Variants in CPNE4 observed in about 807,000 individuals in gnomAD.
CPNE4 encodes copine 4.
In CPNE4, 25 loss-of-function variants were observed where a neutral mutation model predicts 67.9. That is an observed-to-expected ratio of 0.37 (90% CI 0.27 to 0.51). The LOEUF (loss-of-function observed/expected upper bound fraction) is 0.51, where lower values mean the gene tolerates loss of function less well. CPNE4 is among the 20% of genes least tolerant of loss of function. The pLI is 0.93. For missense variants in CPNE4, 464 were observed against 690.8 expected (o/e 0.67, Z 3.68); for synonymous variants, 242 against 244.9 (o/e 0.99, Z 0.11).
intron 7 of CPNE4, among the ~76,000 whole-genome samples, chr3:131,588,153 G>T (rs952967292): frequency 2.0e-5 from 3 of 152,126 alleles, no homozygotes; most frequent in South Asian, 2.1e-4. Context: ...TGTGAAAAAT[G>T]GTTGGAAAAT....
intron 6 of CPNE4, among the ~76,000 whole-genome samples, chr3:131,671,746 C>T (rs2080423852): frequency 6.6e-6 from 1 of 152,104 alleles, no homozygotes; most frequent in Non-Finnish European, 1.5e-5. Context: ...AAGAAAAGTA[C>T]AGCAATAGTC....
At chr3:131,767,403 CA>C (rs1252657128) in intron 2 of CPNE4, among the ~76,000 whole-genome samples, 1 of 151,994 alleles carries the variant, frequency 6.6e-6, no homozygotes, top group Non-Finnish European at 1.5e-5. Flanking sequence ...TGAAGAAAAC[CA>C]GTTCAGATTG....
At chr3:131,789,035 C>CACACACAGAG (rs1553771459) in intron 2 of CPNE4, among the ~76,000 whole-genome samples, 39 of 137,402 alleles carry the variant, frequency 2.8e-4, no homozygotes, top group African/African-American at 8.0e-4. Context: ...CACACACACA[C>CACACACAGAG]AGAGAGAGAG....
chr3:131,632,144 G>A (rs1430513267), intron 7 of CPNE4, among the ~76,000 whole-genome samples: 1 of 151,680 alleles, frequency 6.6e-6, no homozygotes, highest in Non-Finnish European at 1.5e-5. Flanking sequence ...CGAGTAGCTG[G>A]GATTACAGGC....
chr3:131,726,140 G>T (rs1387084785), intron 2 of CPNE4, among the ~76,000 whole-genome samples: 1 of 152,214 alleles, frequency 6.6e-6, no homozygotes, highest in Non-Finnish European at 1.5e-5. Context: ...AGGTTTAGAT[G>T]ATAGAAGACA....
intron 2 of CPNE4, among the ~76,000 whole-genome samples, chr3:131,833,795 C>T (rs905843146): frequency 6.6e-6 from 1 of 152,198 alleles, no homozygotes; most frequent in African/African-American, 2.4e-5. Flanking sequence ...TCATCAAGAA[C>T]ATCTCACATT....
chr3:131,680,307 A>T (rs2080712216), intron 6 of CPNE4, among the ~76,000 whole-genome samples: 1 of 140,264 alleles, frequency 7.1e-6, no homozygotes. Context: ...CTTTATTTTG[A>T]GCCTATATGT....
chr3:131,971,915 A>G (rs928809949), intron 1 of CPNE4, among the ~76,000 whole-genome samples: 1 of 152,160 alleles, frequency 6.6e-6, no homozygotes, highest in African/African-American at 2.4e-5. Context: ...AGACTTACAT[A>G]TGATTTGCCT....
intron 2 of CPNE4, among the ~76,000 whole-genome samples, chr3:131,767,277 G>A (rs1583165939): frequency 6.6e-6 from 1 of 151,890 alleles, no homozygotes; most frequent in Admixed American, 6.6e-5. Context: ...GTGTGTGTGT[G>A]TGTGTACTGT....
intron 1 of CPNE4, among the ~76,000 whole-genome samples, chr3:132,014,518 T>G (rs1225649918): frequency 6.6e-6 from 1 of 152,222 alleles, no homozygotes; most frequent in Non-Finnish European, 1.5e-5. Context: ...CACTTGATTT[T>G]TTCCTCCTCA....
intron 2 of CPNE4, among the ~76,000 whole-genome samples, chr3:131,861,402 TTG>T (rs5852659): frequency 0.03 from 4,329 of 144,356 alleles, 226 homozygotes; most frequent in African/African-American, 0.1. Context: ...TATCTCATCT[TTG>T]TGTGTGTGTG....
chr3:131,584,427 C>T (rs1282185500), intron 8 of CPNE4, among the ~76,000 whole-genome samples: 2 of 152,248 alleles, frequency 1.3e-5, no homozygotes, highest in Admixed American at 6.5e-5. Flanking sequence ...TCAACCATTT[C>T]CTCCTTCCCT....
At chr3:132,036,028 T>C (rs545315510), upstream of CPNE4, among the ~76,000 whole-genome samples, 1 of 152,180 alleles carries the variant, frequency 6.6e-6, no homozygotes, top group East Asian at 1.9e-4. Flanking sequence ...GGAGAACCAA[T>C]AGGGTAAGGA....
At chr3:131,562,360 A>G (rs1936817471) in intron 11 of CPNE4, among the ~76,000 whole-genome samples, 1 of 152,020 alleles carries the variant, frequency 6.6e-6, no homozygotes, top group Non-Finnish European at 1.5e-5. Flanking sequence ...GAGGCTTACT[A>G]TCTTCATTTC....
chr3:131,812,164 T>C (rs11919521), intron 2 of CPNE4, among the ~76,000 whole-genome samples: 1,921 of 151,590 alleles, frequency 0.013, 51 homozygotes, highest in African/African-American at 0.044. Context: ...GGATGCAGTC[T>C]TTATGGCTCC....
At chr3:131,817,931 G>T (rs757586362) in intron 2 of CPNE4, among the ~76,000 whole-genome samples, 1 of 152,200 alleles carries the variant, frequency 6.6e-6, no homozygotes, top group African/African-American at 2.4e-5. Context: ...CTCTTGTTTT[G>T]TAAGAATCTC....
Position 131,996,754 on chromosome 3 carries a change from G to T in CPNE4, c.-2+37813C>A, listed in dbSNP as rs138219033. On this transcript the variant is annotated intron_variant, in intron 1 of 15. Transcript: ENST00000429747. Reference sequence around the variant, plus strand: ...TTTCATTGTCATAGTTCTGTACGGCGTGTTCTGATTTCTGAGTTAGGAGAG... The same window carrying T: ...TTTCATTGTCATAGTTCTGTACGGCTTGTTCTGATTTCTGAGTTAGGAGAG... Among the ~76,000 whole-genome samples the T allele has an allele frequency of 3.9e-5, 6 of 152,168 alleles. No homozygotes were observed. The East Asian group carries it at 1.2e-3, about 29-fold the overall frequency.
At chr3:131,587,684 G>A in intron 7 of CPNE4, 102 bp from the exon 8 acceptor site, 1 of 817,776 alleles carries the variant, frequency 1.2e-6, no homozygotes, top group East Asian at 2.6e-5. Context: ...AAAGATGTTT[G>A]GTCTGGAACC....
intron 2 of CPNE4, among the ~76,000 whole-genome samples, chr3:131,844,921 CA>C (rs2085939955): frequency 6.6e-6 from 1 of 152,182 alleles, no homozygotes; most frequent in Admixed American, 6.5e-5. Context: ...TAATACTCTT[CA>C]AAAAGTGCAA....
Sources: gnomAD v4.1 joint callset for allele counts (sites outside exome capture counted in the v4.1 genomes callset) on GRCh38, gnomAD v4.1.1 for gene constraint, MANE v1.5 for transcripts, NCBI Gene and HGNC (gene_info 2026-07-23, HGNC 2026-07-21) for gene names.